Variants in IGF1R observed in about 807,000 individuals in gnomAD.
IGF1R encodes insulin like growth factor 1 receptor.
Under a neutral mutation model 144.6 loss-of-function variants are expected in IGF1R, and 44 were observed. That is an observed-to-expected ratio of 0.30 (90% CI 0.24 to 0.39). The LOEUF is 0.39. IGF1R is among the 10% of genes least tolerant of loss of function. The pLI is 1.00. For synonymous variants in IGF1R, 795 were observed against 722.8 expected (o/e 1.10, Z -1.60); for missense variants, 1,355 against 1,833.7 (o/e 0.74, Z 4.77).
intron 2 of IGF1R, among the ~76,000 whole-genome samples, chr15:98,714,879 T>C (rs532547614): frequency 7.2e-5 from 11 of 152,288 alleles, no homozygotes; most frequent in African/African-American, 2.6e-4. Context: ...CTGTGTGGTC[T>C]GCTGCTGGTC....
Position 98,723,751 on chromosome 15 carries a change from A to G in IGF1R, c.640+15644A>G, listed in dbSNP as rs183836208. The stretch of plus-strand genomic sequence containing the variant: ...CCTGGAAGATACTGGATACTAGCTC[A>G]TTAAACTCTTGTGAGAAGCCTTCAT... On this transcript the variant is annotated intron_variant, in intron 2 of 20. Coordinates refer to ENST00000650285, the MANE Select transcript of IGF1R (RefSeq NM_000875.5). Among the ~76,000 whole-genome samples the G allele has an allele frequency of 6.6e-5, 10 of 152,372 alleles. No individual in the cohort carries two copies. The East Asian group carries it at 1.7e-3, about 26-fold the overall frequency.
chr15:98,753,247 TAA>T (rs1445311449), intron 2 of IGF1R, among the ~76,000 whole-genome samples: 26 of 146,350 alleles, frequency 1.8e-4, no homozygotes, highest in African/African-American at 6.0e-4. Flanking sequence ...TTTTTTTAAA[TAA>T]AGAGGGTCTC....
intron 2 of IGF1R, among the ~76,000 whole-genome samples, chr15:98,882,391 A>C (rs1255118910): frequency 6.6e-6 from 1 of 152,342 alleles, no homozygotes; most frequent in East Asian, 1.9e-4. Flanking sequence ...CCTGGAAAGT[A>C]ATGAGCTCCC....
intron 2 of IGF1R, among the ~76,000 whole-genome samples, chr15:98,752,113 G>T (rs1047343761): frequency 7.9e-5 from 12 of 152,176 alleles, no homozygotes; most frequent in Non-Finnish European, 1.5e-4. Context: ...AAACCTTTCA[G>T]ACAGTTGCTC....
At chr15:98,658,937 A>G (rs1038532529) in intron 1 of IGF1R, among the ~76,000 whole-genome samples, 3 of 152,234 alleles carry the variant, frequency 2.0e-5, no homozygotes, top group Non-Finnish European at 2.9e-5. Flanking sequence ...TATAATTTTA[A>G]TAGAATCTAC....
chr15:98,878,683 A>C (rs2013194113), intron 2 of IGF1R, among the ~76,000 whole-genome samples: 4 of 145,334 alleles, frequency 2.8e-5, no homozygotes, highest in African/African-American at 7.9e-5. Flanking sequence ...AAAAAAAAAA[A>C]AAAAAAAAAA....
chr15:98,955,996 G>A (rs183478188), intron 20 of IGF1R, among the ~76,000 whole-genome samples: 1 of 152,200 alleles, frequency 6.6e-6, no homozygotes, highest in African/African-American at 2.4e-5. Flanking sequence ...GGCTGTTGGC[G>A]GTCACTCCTC....
chr15:98,903,983 G>C (rs1346289598), intron 5 of IGF1R, among the ~76,000 whole-genome samples: 3 of 152,268 alleles, frequency 2.0e-5, no homozygotes, highest in African/African-American at 7.2e-5. Flanking sequence ...AAGTGTTCTG[G>C]AACTGAGTAG....
chr15:98,821,290 C>A (rs544614575), intron 2 of IGF1R, among the ~76,000 whole-genome samples: 2 of 152,054 alleles, frequency 1.3e-5, no homozygotes, highest in Admixed American at 6.5e-5. Flanking sequence ...GCCTCCCCCC[C>A]CCCTTTTTAA....
intron 2 of IGF1R, among the ~76,000 whole-genome samples, chr15:98,752,932 A>ATTTTTT (rs775327338): frequency 7.1e-5 from 5 of 70,114 alleles, no homozygotes; most frequent in African/African-American, 2.2e-4. Flanking sequence ...AAATCATACT[A>ATTTTTT]TTTTTTTTTT....
chr15:98,749,167 C>CTT (rs10609630), intron 2 of IGF1R, among the ~76,000 whole-genome samples: 13 of 149,130 alleles, frequency 8.7e-5, no homozygotes, highest in South Asian at 2.1e-4. Context: ...TTAATAAATC[C>CTT]TTTTTTTTTT....
intron 13 of IGF1R, among the ~76,000 whole-genome samples, chr15:98,927,517 G>A (rs1238621234): frequency 6.6e-6 from 1 of 151,964 alleles, no homozygotes; most frequent in East Asian, 1.9e-4. Flanking sequence ...TTTTCTCCAT[G>A]TCCCTGTTGA....
At chr15:98,719,780 G>T (rs2054204592) in intron 2 of IGF1R, among the ~76,000 whole-genome samples, 1 of 152,162 alleles carries the variant, frequency 6.6e-6, no homozygotes, top group African/African-American at 2.4e-5. Flanking sequence ...AGGGTGGGGG[G>T]ACTTGAGACC....
intron 7 of IGF1R, 84 bp from the exon 8 acceptor site, chr15:98,912,960 G>A: frequency 1.2e-6 from 1 of 852,654 alleles, no homozygotes; most frequent in Non-Finnish European, 2.0e-6. Flanking sequence ...TATAGAAAGT[G>A]TGACATGCTG....
At chr15:98,874,879 C>A (rs1400926627) in intron 2 of IGF1R, among the ~76,000 whole-genome samples, 1 of 152,230 alleles carries the variant, frequency 6.6e-6, no homozygotes, top group Non-Finnish European at 1.5e-5. Context: ...AGAAGCCGTT[C>A]TCTTCTCCAG....
chr15:98,676,925 C>T (rs1409418234), intron 1 of IGF1R, among the ~76,000 whole-genome samples: 2 of 151,482 alleles, frequency 1.3e-5, no homozygotes, highest in African/African-American at 4.9e-5. Context: ...AATTTTTTTT[C>T]AATTAAAAAA....
chr15:98,847,612 G>A (rs767983052), intron 2 of IGF1R, among the ~76,000 whole-genome samples: 4 of 152,102 alleles, frequency 2.6e-5, no homozygotes, highest in Non-Finnish European at 4.4e-5. Context: ...TGGAAGTTTC[G>A]AGGACTTTTG....
chr15:98,943,159 C>A (rs1049178409), intron 19 of IGF1R, 107 bp downstream of exon 19: 28 of 1,298,332 alleles, frequency 2.2e-5, no homozygotes, highest in Non-Finnish European at 3.1e-5. Context: ...TTACCCGTTG[C>A]CAGCTTTAGC....
At position 98,957,259 on chromosome 15, in the gene IGF1R, C is replaced by G; in HGVS notation, c.3921C>G (p.Pro1307=). The change falls in exon 21 of 21, where the codon CCC becomes CCG. Residue 1307 remains proline, a synonymous_variant. Coordinates refer to ENST00000650285, the MANE Select transcript of IGF1R (RefSeq NM_000875.5). ...PENMESVPLD[P]SASSSSLPLP... is the part of the protein sequence containing the mutation. The stretch of plus-strand genomic sequence containing the variant: ...ACATGGAGAGCGTCCCCCTGGACCC[C>G]TCGGCCTCCTCGTCCTCCCTGCCAC... 1.9e-6 allele frequency: 3 copies of G among 1,614,088 alleles called. No individual in the cohort carries two copies. The South Asian group carries it at 3.3e-5, about 18-fold the overall frequency.
Sources: gnomAD v4.1 joint callset for allele counts (sites outside exome capture counted in the v4.1 genomes callset) on GRCh38, gnomAD v4.1.1 for gene constraint, MANE v1.5 for transcripts, NCBI Gene and HGNC (gene_info 2026-07-23, HGNC 2026-07-21) for gene names.